MATCAP1: variants seen among roughly 807,000 people sequenced by gnomAD.
The protein encoded by MATCAP1 is microtubule-associated tyrosine carboxypeptidase 1.
At chr16:67,182,624 C>G in the MATCAP1 span, among the ~76,000 whole-genome samples, 3 of 152,250 alleles carry the variant, frequency 2.0e-5, no homozygotes, top group African/African-American at 7.2e-5. Context: ...CACATGCCAT[C>G]ATGTCCATCT....
chr16:67,179,277 C>T, the MATCAP1 span: 33 of 1,483,784 alleles, frequency 2.2e-5, no homozygotes, highest in African/African-American at 8.4e-5. The surrounding 1 kb of genome is among the most constrained non-coding windows in gnomAD (Gnocchi z 5.2). Context: ...AAGCAGAGGG[C>T]GGGAGGTGGC....
chr16:67,180,349 T>C, the MATCAP1 span: 1 of 1,612,618 alleles, frequency 6.2e-7, no homozygotes, highest in Non-Finnish European at 8.5e-7. Context: ...CGGCCAGTAC[T>C]ATTTACAGAG....
chr16:67,176,810 A>G, the MATCAP1 span: 2 of 1,579,814 alleles, frequency 1.3e-6, no homozygotes, highest in Non-Finnish European at 1.7e-6. This position sits in a 1 kb window ranked among gnomAD's most constrained non-coding sequence, Gnocchi z 4.3. Context: ...CTCAACGGAC[A>G]TCAGTCGGGT....
At chr16:67,175,643 G>A in the MATCAP1 span, 2 of 153,820 alleles carry the variant, frequency 1.3e-5, no homozygotes, top group African/African-American at 2.4e-5. Context: ...CTCTGGACTG[G>A]GAGCTCAGTG....
At chr16:67,183,899 C>G in the MATCAP1 span, 1 of 179,140 alleles carries the variant, frequency 5.6e-6, no homozygotes, top group Non-Finnish European at 1.2e-5. Context: ...CGCCGCCCGC[C>G]GCTCCCGCTC....
chr16:67,179,658 G>T, the MATCAP1 span: 3 of 1,470,322 alleles, frequency 2.0e-6, no homozygotes, highest in Non-Finnish European at 2.8e-6. This position sits in a 1 kb window ranked among gnomAD's most constrained non-coding sequence, Gnocchi z 5.2. Flanking sequence ...CAGACAATTG[G>T]CCAGGGCACC....
the MATCAP1 span, among the ~76,000 whole-genome samples, chr16:67,181,110 C>T: frequency 6.6e-6 from 1 of 152,232 alleles, no homozygotes; most frequent in Non-Finnish European, 1.5e-5. Flanking sequence ...GGACTGAGCC[C>T]CTTACTCGTG....
the MATCAP1 span, among the ~76,000 whole-genome samples, chr16:67,182,928 T>C: frequency 1.3e-5 from 2 of 152,220 alleles, no homozygotes; most frequent in Non-Finnish European, 2.9e-5. Context: ...TATTTGATAG[T>C]TATCTGTTTT....
At chr16:67,181,574 T>G in the MATCAP1 span, 1 of 152,292 alleles carries the variant, frequency 6.6e-6, no homozygotes, top group East Asian at 1.9e-4. Context: ...AGGCTCCAGC[T>G]GCTGAGCTCC....
the MATCAP1 span, chr16:67,178,310 T>C: frequency 1.3e-6 from 2 of 1,582,836 alleles, no homozygotes; most frequent in South Asian, 1.2e-5. Flanking sequence ...CGGAAGGACA[T>C]GCGCGCGGCG....
At chr16:67,178,143 G>GC in the MATCAP1 span, 2 of 1,357,950 alleles carry the variant, frequency 1.5e-6, no homozygotes, top group Non-Finnish European at 2.0e-6. Flanking sequence ...CCCGCCCCTC[G>GC]CCCGAAGCCC....
the MATCAP1 span, chr16:67,175,646 G>A: frequency 6.5e-6 from 1 of 153,736 alleles, no homozygotes; most frequent in Non-Finnish European, 1.4e-5. Context: ...TGGACTGGGA[G>A]CTCAGTGAGG....
the MATCAP1 span, chr16:67,179,681 C>G: frequency 1.5e-5 from 23 of 1,485,350 alleles, no homozygotes; most frequent in African/African-American, 3.2e-4. This position sits in a 1 kb window ranked among gnomAD's most constrained non-coding sequence, Gnocchi z 5.2. Context: ...CCCTTCATCA[C>G]CTCTGCTCAG....
the MATCAP1 span, chr16:67,179,161 T>G: frequency 7.9e-7 from 1 of 1,269,520 alleles, no homozygotes; most frequent in East Asian, 3.8e-5. The surrounding 1 kb of genome is among the most constrained non-coding windows in gnomAD (Gnocchi z 5.2). Flanking sequence ...GCCCGCACTG[T>G]TGGGAGAAGT....
At chr16:67,178,497 G>A in the MATCAP1 span, 1 of 1,526,466 alleles carries the variant, frequency 6.6e-7, no homozygotes. Context: ...CCCGCAGGTA[G>A]TGGGTGCCTG....
At chr16:67,183,332 A>G in the MATCAP1 span, 12 of 152,140 alleles carry the variant, frequency 7.9e-5, no homozygotes, top group Admixed American at 2.6e-4. Context: ...TGCCTTTGCA[A>G]TATATTCCTG....
the MATCAP1 span, chr16:67,178,197 A>C: frequency 6.9e-7 from 1 of 1,446,902 alleles, no homozygotes; most frequent in Non-Finnish European, 9.2e-7. Context: ...GCTGGCGCAC[A>C]CCTGGCAGCG....
the MATCAP1 span, among the ~76,000 whole-genome samples, chr16:67,182,188 G>A: frequency 6.6e-6 from 1 of 151,394 alleles, no homozygotes. Context: ...GGCGGAGTTT[G>A]CGGTGAGCCA....
the MATCAP1 span, chr16:67,177,039 A>G: frequency 7.1e-7 from 1 of 1,410,054 alleles, no homozygotes; most frequent in Non-Finnish European, 9.5e-7. Context: ...AGCTGGTCCC[A>G]GCCCACTGCT....
Sources: allele counts gnomAD v4.1 joint callset (sites outside exome capture counted in the v4.1 genomes callset), GRCh38; gene constraint gnomAD v4.1.1; non-coding constraint Gnocchi (gnomAD v3.1); transcripts MANE v1.5; gene names NCBI Gene and HGNC (gene_info 2026-07-23, HGNC 2026-07-21).